RASAL2: variants seen among roughly 807,000 people sequenced by gnomAD.
RASAL2 encodes RAS protein activator like 2, also known as ras GTPase-activating protein nGAP.
In RASAL2, 58 loss-of-function variants were observed where a neutral mutation model predicts 128.9. The ratio of observed to expected loss-of-function variants is 0.45; its 90% confidence interval spans 0.36 to 0.56. The LOEUF (loss-of-function observed/expected upper bound fraction) is 0.56, where lower values mean the gene tolerates loss of function less well. Among genes scored for constraint, RASAL2 ranks in the 20% least tolerant of loss-of-function variants. The probability of loss-of-function intolerance (pLI) is 0.00; values close to 1 mark genes in which losing one functional copy is unlikely to be tolerated. For synonymous variants in RASAL2, 561 were observed against 580.8 expected (o/e 0.97, Z 0.49); for missense variants, 1,360 against 1,601.6 (o/e 0.85, Z 2.57).
intron 1 of RASAL2, among the ~76,000 whole-genome samples, chr1:178,206,084 G>T (rs1663035401): frequency 6.6e-6 from 1 of 152,000 alleles, no homozygotes; most frequent in Non-Finnish European, 1.5e-5. Flanking sequence ...CTTAAATAGA[G>T]AATTCTTTTT....
chr1:178,463,473 C>T (rs1400530776), intron 14 of RASAL2, among the ~76,000 whole-genome samples: 2 of 152,158 alleles, frequency 1.3e-5, no homozygotes, highest in Non-Finnish European at 2.9e-5. Flanking sequence ...TCACAGCTCC[C>T]TATGAGATGA....
intron 1 of RASAL2, among the ~76,000 whole-genome samples, chr1:178,130,159 C>T (rs893532210): frequency 8.5e-5 from 13 of 152,090 alleles, no homozygotes; most frequent in Admixed American, 7.9e-4. Flanking sequence ...AAGATAATGT[C>T]TCAAACTTGA....
intron 1 of RASAL2, among the ~76,000 whole-genome samples, chr1:178,209,170 GC>G (rs1358331609): frequency 6.6e-6 from 1 of 151,504 alleles, no homozygotes; most frequent in East Asian, 1.9e-4. Flanking sequence ...CACATATTTT[GC>G]TGTTTTTGGA....
rs547001854 is a variant in RASAL2, at chr1:178,453,841, A to G, written c.2010-606A>G. ...AACTTCAGTGAACAGATTGTTTTCT[A>G]GTATAAGTGGTGGCTTTTTAGAGGT... On this transcript the variant is annotated intron_variant, in intron 11 of 17. Coordinates refer to ENST00000367649, the MANE Select transcript of RASAL2 (RefSeq NM_170692.4). Among the ~76,000 whole-genome samples, 9 of 152,266 alleles carry G rather than the reference A, an allele frequency of 5.9e-5. No homozygotes were observed. In the East Asian group the frequency reaches 1.7e-3, roughly 29 times the overall value.
chr1:178,298,163 T>G (rs1212077477), intron 2 of RASAL2, among the ~76,000 whole-genome samples: 1 of 152,208 alleles, frequency 6.6e-6, no homozygotes, highest in Non-Finnish European at 1.5e-5. Flanking sequence ...GATAGTCATT[T>G]AAACCTATCA....
chr1:178,442,678 A>G lies in RASAL2; in HGVS notation c.931A>G (p.Asn311Asp). ...CAGCTTTGTTGCCTCTTTATAGGAC[A>G]ATTGCAGGCGAGCTGAAAATGTTCT... Reference protein sequence around the residue: ...LRRTVQPNKDNCRRAENVLRL... With the variant: ...LRRTVQPNKDDCRRAENVLRL... The change falls in exon 8 of 18, where the codon AAT becomes GAT. Residue 311 changes from asparagine to aspartate, a missense_variant. By Grantham distance (23) the Asn-to-Asp change is conservative. This residue lies in a region of RASAL2 where 617 missense variants were observed against 714.2 expected (regional missense o/e 0.86). Coordinates refer to ENST00000367649, the MANE Select transcript of RASAL2 (RefSeq NM_170692.4). 1 of 1,601,392 alleles carries G rather than the reference A, an allele frequency of 6.2e-7. No homozygotes were observed. Among genetic ancestry groups the G allele is most frequent in the East Asian group, 2.2e-5 (1 of 44,710 alleles).
chr1:178,366,742 G>T (rs769355715), intron 3 of RASAL2, among the ~76,000 whole-genome samples: 1 of 151,948 alleles, frequency 6.6e-6, no homozygotes, highest in East Asian at 1.9e-4. Flanking sequence ...TCCATTAGTG[G>T]AATATTTTCG....
At chr1:178,314,444 A>T (rs1271719323) in intron 3 of RASAL2, among the ~76,000 whole-genome samples, 1 of 152,214 alleles carries the variant, frequency 6.6e-6, no homozygotes, top group Non-Finnish European at 1.5e-5. Flanking sequence ...CAGATTTGCC[A>T]GTGATCTGCA....
intron 1 of RASAL2, among the ~76,000 whole-genome samples, chr1:178,101,860 A>G (rs917832983): frequency 3.9e-5 from 6 of 152,212 alleles, no homozygotes; most frequent in African/African-American, 1.4e-4. Flanking sequence ...AAAACTCGAC[A>G]GTGAGAAATA....
intron 4 of RASAL2, among the ~76,000 whole-genome samples, chr1:178,404,541 C>T (rs983432792): frequency 2.0e-5 from 3 of 151,896 alleles, no homozygotes; most frequent in African/African-American, 7.3e-5. Context: ...CCACCACGCC[C>T]AGATAATTTT....
chr1:178,291,938 G>A (rs1667297927), intron 2 of RASAL2, among the ~76,000 whole-genome samples: 2 of 150,946 alleles, frequency 1.3e-5, no homozygotes, highest in South Asian at 2.1e-4. Flanking sequence ...GGGAGGCTGA[G>A]GCAGGAGAAA....
At chr1:178,213,700 A>G (rs1253878867) in intron 1 of RASAL2, among the ~76,000 whole-genome samples, 7 of 151,580 alleles carry the variant, frequency 4.6e-5, no homozygotes, top group Non-Finnish European at 8.8e-5. Context: ...AGTAAAACTA[A>G]TCTGTATGAC....
chr1:178,138,249 G>T (rs1391258023), intron 1 of RASAL2, among the ~76,000 whole-genome samples: 1 of 152,102 alleles, frequency 6.6e-6, no homozygotes, highest in Non-Finnish European at 1.5e-5. Context: ...TTATAAAAAA[G>T]AATAAAAATT....
At position 178,458,065 on chromosome 1, in the gene RASAL2, CCTGT is replaced by C. The variant is rs1434720447; in HGVS notation, c.2776_2779del (p.Val926IlefsTer15). ...CCTTCAGCCCTTGTCGTTCCAGAAC[CCTGT>C]CTATCACCTCAATAACCCAATTCCA... On this transcript the variant is annotated frameshift_variant, in exon 14 of 18. Transcript: ENST00000367649. LOFTEE classifies it high-confidence loss of function. The C allele has an allele frequency of 4.3e-6, 7 of 1,614,138 alleles. No homozygotes were observed. The highest frequency in any genetic ancestry group is 1.1e-5 in the South Asian group (1 of 91,072).
At chr1:178,378,812 A>G (rs1463273732) in intron 3 of RASAL2, among the ~76,000 whole-genome samples, 1 of 152,160 alleles carries the variant, frequency 6.6e-6, no homozygotes, top group Non-Finnish European at 1.5e-5. Flanking sequence ...TTTTACATTG[A>G]AAAGGGCAAA....
At chr1:178,456,647 G>T in intron 12 of RASAL2, 74 bp from the exon 13 acceptor site, 2 of 1,529,674 alleles carry the variant, frequency 1.3e-6, no homozygotes, top group Non-Finnish European at 1.8e-6. Context: ...AATGGCCATC[G>T]TTGTGCCAAA....
At chr1:178,113,622 A>G (rs920299265) in intron 1 of RASAL2, among the ~76,000 whole-genome samples, 13 of 148,754 alleles carry the variant, frequency 8.7e-5, no homozygotes, top group South Asian at 2.1e-4. Flanking sequence ...GCCTCAAGCA[A>G]TCCCCCAACC....
rs1659670366 is a variant in RASAL2, at chr1:178,120,314, G to A, written c.202+25620G>A. 3.3e-5 allele frequency among the ~76,000 whole-genome samples: 5 copies of A among 152,284 alleles called. No individual in the cohort carries two copies. In the South Asian group the frequency reaches 6.2e-4, roughly 19 times the overall value. ...GTTGGCAGTCTTAGAGTCCCCTGCT[G>A]TTTCACCATTGGGTCTTTTCCTGTT... On this transcript the variant is annotated intron_variant, in intron 1 of 17. Coordinates refer to ENST00000367649, the MANE Select transcript of RASAL2 (RefSeq NM_170692.4).
chr1:178,361,749 C>T (rs566206329), intron 3 of RASAL2, among the ~76,000 whole-genome samples: 1 of 152,104 alleles, frequency 6.6e-6, no homozygotes, highest in South Asian at 2.1e-4. Flanking sequence ...ATTACACTTA[C>T]TGTGCATTTT....
Sources: gnomAD v4.1 joint callset for allele counts (sites outside exome capture counted in the v4.1 genomes callset) on GRCh38, gnomAD v4.1.1 for gene constraint, gnomAD v4.1.1 regional missense constraint, MANE v1.5 for transcripts, NCBI Gene and HGNC (gene_info 2026-07-23, HGNC 2026-07-21) for gene names.